TMIGD3: variants seen among roughly 807,000 people sequenced by gnomAD.
The protein encoded by TMIGD3 is AD026 protein (AD026).
TMIGD3 carries 21 observed loss-of-function variants against 28.1 expected under a neutral mutation model. The ratio of observed to expected loss-of-function variants is 0.75; its 90% CI spans 0.53 to 1.08. TMIGD3 has a LOEUF of 1.08. Ranked by LOEUF, TMIGD3 falls within the 50% of genes least tolerant of loss-of-function variation. The pLI is 0.00. For missense variants in TMIGD3, 416 were observed against 435.6 expected (o/e 0.96, Z 0.40); for synonymous variants, 151 against 162.1 (o/e 0.93, Z 0.52).
chr1:111,529,411 C>T (rs976643713), intron 1 of TMIGD3, among the ~76,000 whole-genome samples: 2 of 149,468 alleles, frequency 1.3e-5, no homozygotes, highest in Non-Finnish European at 1.5e-5. Context: ...GGGTGTTTCT[C>T]GCAGAGGGGG....
intron 1 of TMIGD3, among the ~76,000 whole-genome samples, chr1:111,555,062 G>A (rs372480721): frequency 2.0e-5 from 3 of 152,000 alleles, no homozygotes; most frequent in Admixed American, 6.6e-5. Flanking sequence ...AAGAAAAAGA[G>A]GCTATCAAAA....
At chr1:111,508,302 C>G (rs1397114221), upstream of TMIGD3, among the ~76,000 whole-genome samples, 1 of 152,186 alleles carries the variant, frequency 6.6e-6, no homozygotes, top group Non-Finnish European at 1.5e-5. Context: ...TTTCAGCTGC[C>G]GGAGACTTAG....
chr1:111,545,985 A>G (rs953877481), intron 1 of TMIGD3, among the ~76,000 whole-genome samples: 6 of 152,190 alleles, frequency 3.9e-5, no homozygotes, highest in African/African-American at 7.2e-5. Context: ...CTATATGTCT[A>G]GCCTTATGCG....
At chr1:111,524,435 C>T (rs543728712) in intron 1 of TMIGD3, among the ~76,000 whole-genome samples, 33 of 152,230 alleles carry the variant, frequency 2.2e-4, no homozygotes, top group African/African-American at 7.5e-4. Context: ...GCCTTTTCTA[C>T]CACACTGGGT....
At chr1:111,514,256 T>A (rs111431452) in intron 1 of TMIGD3, among the ~76,000 whole-genome samples, 2,046 of 152,226 alleles carry the variant, frequency 0.013, 23 homozygotes, top group Non-Finnish European at 0.02. Context: ...TAGCTACAAG[T>A]AAAGTCTGGG....
intron 1 of TMIGD3, among the ~76,000 whole-genome samples, chr1:111,529,183 C>G (rs1656367326): frequency 6.6e-6 from 1 of 151,230 alleles, no homozygotes; most frequent in African/African-American, 2.4e-5. Context: ...GGGTATACTA[C>G]CATATTGTCT....
chr1:111,504,096 C>T (rs998478676), upstream of TMIGD3: 19 of 985,266 alleles, frequency 1.9e-5, no homozygotes, highest in African/African-American at 1.2e-4. Context: ...TGAGCACAGC[C>T]GATACCCAGC....
intron 1 of TMIGD3, among the ~76,000 whole-genome samples, chr1:111,562,084 A>G (rs1030546172): frequency 6.6e-6 from 1 of 151,934 alleles, no homozygotes; most frequent in Admixed American, 6.6e-5. Context: ...ATTCAATAAC[A>G]TCATATGTGT....
chr1:111,531,856 A>G (rs1209067456), intron 1 of TMIGD3, among the ~76,000 whole-genome samples: 1 of 152,060 alleles, frequency 6.6e-6, no homozygotes, highest in Non-Finnish European at 1.5e-5. Context: ...CTGGCTTCCT[A>G]TAAATATTTA....
At chr1:111,541,080 G>A (rs1343429069) in intron 1 of TMIGD3, among the ~76,000 whole-genome samples, 1 of 152,066 alleles carries the variant, frequency 6.6e-6, no homozygotes, top group East Asian at 1.9e-4. Flanking sequence ...TCAACTCTGT[G>A]GTTGTAGCAC....
At chr1:111,555,943 G>C (rs2789531) in intron 1 of TMIGD3, among the ~76,000 whole-genome samples, 3,977 of 152,250 alleles carry the variant, frequency 0.026, 126 homozygotes, top group East Asian at 0.088. Context: ...AAACATTTGT[G>C]CATCAAAGGA....
At chr1:111,534,609 G>T (rs1225524812) in intron 1 of TMIGD3, among the ~76,000 whole-genome samples, 1 of 152,096 alleles carries the variant, frequency 6.6e-6, no homozygotes, top group Non-Finnish European at 1.5e-5. Flanking sequence ...TCTTTTTCCT[G>T]CCCCTTCCCA....
chr1:111,537,178 C>T (rs541977747), intron 1 of TMIGD3, among the ~76,000 whole-genome samples: 2 of 152,318 alleles, frequency 1.3e-5, no homozygotes, highest in South Asian at 4.1e-4. Flanking sequence ...CCCTCTTCCC[C>T]ACCATTGGAG....
At chr1:111,541,022 C>A (rs189197125) in intron 1 of TMIGD3, among the ~76,000 whole-genome samples, 2 of 152,302 alleles carry the variant, frequency 1.3e-5, no homozygotes, top group African/African-American at 4.8e-5. Context: ...GCCACATAGT[C>A]TCTGCTGCAT....
intron 2 of TMIGD3, chr1:111,489,588 C>T (rs1654556697): frequency 9.0e-7 from 1 of 1,105,370 alleles, no homozygotes; most frequent in Non-Finnish European, 1.1e-6. Flanking sequence ...AAGTCCTTTT[C>T]CCTGGCCTAA....
intron 3 of TMIGD3, among the ~76,000 whole-genome samples, 187 bp from the exon 4 acceptor site, chr1:111,486,839 A>T (rs987636826): frequency 6.6e-6 from 1 of 152,194 alleles, no homozygotes; most frequent in Admixed American, 6.5e-5. Flanking sequence ...GGCTGAGGGG[A>T]CAAGCAGGGG....
At chr1:111,499,978 TC>T in intron 1 of TMIGD3, 1 of 1,614,130 alleles carries the variant, frequency 6.2e-7, no homozygotes, top group Middle Eastern at 1.6e-4. Context: ...AATGCTTGTG[TC>T]CAAAGAATCA....
intron 1 of TMIGD3, among the ~76,000 whole-genome samples, chr1:111,521,676 C>T (rs368362356): frequency 6.6e-6 from 1 of 152,082 alleles, no homozygotes; most frequent in Admixed American, 6.5e-5. Context: ...ATAAGTCTTT[C>T]GTCAGATATA....
chr1:111,494,899 G>A (rs889910826), intron 1 of TMIGD3, among the ~76,000 whole-genome samples: 1 of 152,206 alleles, frequency 6.6e-6, no homozygotes, highest in Non-Finnish European at 1.5e-5. Context: ...GTGGGGAAAA[G>A]ACTCCCTATT....
Sources: gnomAD v4.1 joint callset for allele counts (sites outside exome capture counted in the v4.1 genomes callset) on GRCh38, gnomAD v4.1.1 for gene constraint, MANE v1.5 for transcripts, NCBI Gene and HGNC (gene_info 2026-07-23, HGNC 2026-07-21) for gene names.